PSIP1: variants seen among roughly 807,000 people sequenced by gnomAD.
PSIP1 encodes PC4 and SFRS1-interacting protein.
Under a neutral mutation model 74.7 loss-of-function variants are expected in PSIP1, and 19 were observed. That is an observed-to-expected ratio of 0.25 (90% CI 0.18 to 0.37). The LOEUF is 0.37. Ranked by LOEUF, PSIP1 falls within the 10% of genes least tolerant of loss-of-function variation. The pLI is 1.00. For missense variants in PSIP1, 601 were observed against 614.3 expected, an observed-to-expected ratio of 0.98 and a Z score of 0.23; for synonymous variants, 222 against 195.3, an observed-to-expected ratio of 1.14 and a Z score of -1.14.
chr9:15,466,484 T>A (rs990078770), intron 15 of PSIP1, among the ~76,000 whole-genome samples: 1 of 152,228 alleles, frequency 6.6e-6, no homozygotes, highest in Non-Finnish European at 1.5e-5. Flanking sequence ...TAACAGTATC[T>A]CAGTAAAAGT....
chr9:15,503,594 C>G (rs752825342), intron 3 of PSIP1, among the ~76,000 whole-genome samples: 1 of 150,612 alleles, frequency 6.6e-6, no homozygotes, highest in Non-Finnish European at 1.5e-5. Context: ...CCCAGGAGTT[C>G]AAGGATGCAG....
chr9:15,496,564 C>T (rs2037084597), intron 3 of PSIP1, among the ~76,000 whole-genome samples: 1 of 152,170 alleles, frequency 6.6e-6, no homozygotes, highest in African/African-American at 2.4e-5. Context: ...CTTTTCACTA[C>T]AATTGTTTTT....
intron 9 of PSIP1, among the ~76,000 whole-genome samples, chr9:15,473,073 A>G (rs2035911319): frequency 6.6e-6 from 1 of 152,222 alleles, no homozygotes; most frequent in South Asian, 2.1e-4. Context: ...TATCCAATTT[A>G]AAATGTTTGG....
Position 15,478,127 on chromosome 9 carries a change from TAAAAAAAAA to T in PSIP1, c.629+341_629+349del, listed in dbSNP as rs570873100. Reference sequence around the variant, plus strand: ...GGGCGACAGAGTGAAACCCCATCTTTAAAAAAAAAAAAAAAAAAAAAAAAATTTGTGACA... The same window carrying T: ...GGGCGACAGAGTGAAACCCCATCTTTAAAAAAAAAAAAAAAATTTGTGACA... On this transcript the variant is annotated intron_variant, in intron 8 of 15. Coordinates refer to ENST00000380733, the MANE Select transcript of PSIP1 (RefSeq NM_033222.5). Among the ~76,000 whole-genome samples, 11 of 108,212 alleles carry T rather than the reference TAAAAAAAAA, an allele frequency of 1.0e-4. No individual in the cohort carries two copies. In the East Asian group the frequency reaches 1.5e-3, roughly 15 times the overall value. The allele number at this position is 108,212 out of a possible 152,430, so 71.0% of individuals were successfully genotyped here.
At chr9:15,472,582 A>G in intron 10 of PSIP1, 50 bp downstream of exon 10, 1 of 1,557,368 alleles carries the variant, frequency 6.4e-7, no homozygotes. Flanking sequence ...TAAAAATTCC[A>G]TGCTAGCCTT....
intron 3 of PSIP1, 76 bp from the exon 4 acceptor site, chr9:15,490,200 C>A (rs1312960221): frequency 7.7e-7 from 1 of 1,300,004 alleles, no homozygotes; most frequent in Non-Finnish European, 1.0e-6. Context: ...CACCCTATTA[C>A]ACAATTATCA....
At chr9:15,507,283 T>C (rs2037637473) in intron 2 of PSIP1, among the ~76,000 whole-genome samples, 1 of 152,204 alleles carries the variant, frequency 6.6e-6, no homozygotes, top group African/African-American at 2.4e-5. Context: ...ATATCCATAA[T>C]ACTTGTTACT....
At chr9:15,480,088 CG>C (rs1219216037) in intron 6 of PSIP1, among the ~76,000 whole-genome samples, 2 of 152,078 alleles carry the variant, frequency 1.3e-5, no homozygotes, top group Admixed American at 6.6e-5. Context: ...TCTTATTTCC[CG>C]TAAGAAAGGA....
intron 6 of PSIP1, among the ~76,000 whole-genome samples, chr9:15,481,756 A>G (rs1339799939): frequency 6.6e-6 from 1 of 152,188 alleles, no homozygotes; most frequent in Non-Finnish European, 1.5e-5. Context: ...AAGTTCATCA[A>G]TAATAATTAA....
intron 2 of PSIP1, among the ~76,000 whole-genome samples, chr9:15,507,980 T>C (rs984294359): frequency 4.6e-5 from 7 of 152,232 alleles, no homozygotes; most frequent in African/African-American, 7.2e-5. Flanking sequence ...CCTTAATCCC[T>C]TAAGAGATCA....
chr9:15,498,721 A>G (rs1339923724), intron 3 of PSIP1, among the ~76,000 whole-genome samples: 1 of 152,168 alleles, frequency 6.6e-6, no homozygotes, highest in Non-Finnish European at 1.5e-5. Context: ...ACATAATATC[A>G]AATACCAAAA....
Position 15,478,537 on chromosome 9 carries a change from A to C in PSIP1, c.569T>G (p.Ile190Ser), listed in dbSNP as rs772592281. ...RGRPAATEVK[I>S]PKPRGRPKMV... is the part of the protein sequence containing the mutation. The stretch of plus-strand genomic sequence containing the variant: ...TTTGGGTCTGCCTCTTGGTTTTGGA[A>C]TCTTGACTTCTGTAGCTAATATACA... The change falls in exon 8 of 16, where the codon ATT becomes AGT. Residue 190 changes from isoleucine to serine, a missense_variant. This residue lies in a region of PSIP1 where 538 missense variants were observed against 507.6 expected (regional missense o/e 1.06). Coordinates refer to ENST00000380733, the MANE Select transcript of PSIP1 (RefSeq NM_033222.5). 5.6e-6 allele frequency: 9 copies of C among 1,601,822 alleles called. No individual in the cohort carries two copies.
intron 10 of PSIP1, chr9:15,471,329 T>G (rs1312681085): frequency 6.4e-7 from 1 of 1,567,996 alleles, no homozygotes. Context: ...AGTACAAAGT[T>G]TTGTAATAAC....
chr9:15,504,726 G>T (rs1355800076), intron 3 of PSIP1, among the ~76,000 whole-genome samples: 1 of 147,858 alleles, frequency 6.8e-6, no homozygotes, highest in African/African-American at 2.5e-5. Context: ...AACAGAGCTA[G>T]ACTCGGTCTC....
intron 3 of PSIP1, among the ~76,000 whole-genome samples, chr9:15,504,161 T>C (rs1329438559): frequency 2.0e-5 from 3 of 152,178 alleles, no homozygotes; most frequent in Non-Finnish European, 4.4e-5. Flanking sequence ...AAAAACCAAG[T>C]GCATTTTGAA....
chr9:15,497,240 T>C (rs911392256), intron 3 of PSIP1, among the ~76,000 whole-genome samples: 31 of 151,546 alleles, frequency 2.0e-4, no homozygotes, highest in Admixed American at 1.6e-3. Flanking sequence ...TACTATCACA[T>C]CCAGGCTAGA....
At chr9:15,481,670 CA>C (rs1282925456) in intron 6 of PSIP1, among the ~76,000 whole-genome samples, 1 of 151,790 alleles carries the variant, frequency 6.6e-6, no homozygotes, top group Non-Finnish European at 1.5e-5. Flanking sequence ...GGCAACAGAG[CA>C]AGACTCCGTC....
At chr9:15,487,031 C>T (rs1206645368) in intron 4 of PSIP1, 100 bp from the exon 5 acceptor site, 7 of 691,202 alleles carry the variant, frequency 1.0e-5, no homozygotes, top group Non-Finnish European at 1.5e-5. Context: ...CAGGGTCTCA[C>T]TCTATCACCC....
intron 6 of PSIP1, 155 bp downstream of exon 6, chr9:15,485,851 C>CA (rs1414462680): frequency 5.0e-6 from 3 of 595,604 alleles, no homozygotes; most frequent in Admixed American, 3.4e-5. Flanking sequence ...GAAAGAAACA[C>CA]AGATAGTTTT....
Sources: allele counts gnomAD v4.1 joint callset (sites outside exome capture counted in the v4.1 genomes callset), GRCh38; gene constraint gnomAD v4.1.1; regional missense constraint gnomAD v4.1.1; transcripts MANE v1.5; gene names NCBI Gene and HGNC (gene_info 2026-07-23, HGNC 2026-07-21).